The following KMT2C variants were observed in gnomAD, a reference collection of about 807,000 sequenced individuals.
KMT2C encodes lysine methyltransferase 2C, also known as histone-lysine N-methyltransferase 2C.
In KMT2C, 88 loss-of-function variants were observed where a neutral mutation model predicts 507.9. The ratio of observed to expected loss-of-function variants is 0.17; its 90% CI spans 0.15 to 0.21. The LOEUF (loss-of-function observed/expected upper bound fraction) is 0.21, where lower values mean the gene tolerates loss of function less well. Ranked by LOEUF, KMT2C falls within the 10% of genes least tolerant of loss-of-function variation. KMT2C has a pLI of 1.00. For missense variants in KMT2C, 4,954 were observed against 5,957.8 expected (o/e 0.83, Z 5.55); for synonymous variants, 2,049 against 2,080.8 (o/e 0.98, Z 0.42).
At chr7:152,385,311 T>G (rs2097414330) in intron 1 of KMT2C, among the ~76,000 whole-genome samples, 1 of 149,178 alleles carries the variant, frequency 6.7e-6, no homozygotes, top group Non-Finnish European at 1.5e-5. Context: ...TTCAAATACT[T>G]TTAAAAATTG....
intron 1 of KMT2C, among the ~76,000 whole-genome samples, chr7:152,429,893 T>A (rs1432004640): frequency 1.3e-5 from 2 of 151,144 alleles, no homozygotes; most frequent in East Asian, 3.9e-4. Context: ...AGAAATAATC[T>A]CAGCCGGGCG....
intron 1 of KMT2C, among the ~76,000 whole-genome samples, chr7:152,392,592 A>G (rs2097507583): frequency 1.3e-5 from 2 of 152,218 alleles, no homozygotes. Context: ...GCAGTGTTTA[A>G]TGAACTTGCC....
At position 152,237,645 on chromosome 7, in the gene KMT2C, A is replaced by C. The variant is rs1588479384; in HGVS notation, c.2652+1062T>G. Among the ~76,000 whole-genome samples the C allele has an allele frequency of 2.6e-5, 4 of 151,978 alleles. No individual in the cohort carries two copies. The South Asian group carries it at 8.3e-4, about 32-fold the overall frequency. On this transcript the variant is annotated intron_variant, in intron 15 of 58. Transcript: ENST00000262189. ...CCCTAGCAGCTGGGATTACAGGCACATGCCACCACACCCGGCTAAATTTCT... is the reference window on the plus strand; with the variant it reads ...CCCTAGCAGCTGGGATTACAGGCACCTGCCACCACACCCGGCTAAATTTCT...
intron 1 of KMT2C, among the ~76,000 whole-genome samples, chr7:152,366,491 A>C (rs1191774209): frequency 6.6e-6 from 1 of 152,182 alleles, no homozygotes; most frequent in Non-Finnish European, 1.5e-5. Flanking sequence ...TAAACCAGTC[A>C]CAAAGAAAAA....
intron 7 of KMT2C, among the ~76,000 whole-genome samples, chr7:152,270,007 G>C (rs2095931843): frequency 6.6e-6 from 1 of 152,132 alleles, no homozygotes; most frequent in South Asian, 2.1e-4. Context: ...TAAAAGCATT[G>C]GTGAACAGCA....
At chr7:152,172,644 C>A (rs1016602766) in intron 39 of KMT2C, among the ~76,000 whole-genome samples, 17 of 152,176 alleles carry the variant, frequency 1.1e-4, no homozygotes, top group African/African-American at 4.1e-4. Flanking sequence ...TGCAGTGAGC[C>A]ATTGCACTCT....
intron 49 of KMT2C, 122 bp downstream of exon 49, chr7:152,152,583 C>T: frequency 1.6e-6 from 2 of 1,223,562 alleles, no homozygotes; most frequent in East Asian, 4.7e-5. Flanking sequence ...GGTAAGTTCA[C>T]CAAGGACTAT....
At chr7:152,389,037 C>T (rs1366657679) in intron 1 of KMT2C, among the ~76,000 whole-genome samples, 7 of 151,474 alleles carry the variant, frequency 4.6e-5, no homozygotes, top group African/African-American at 1.7e-4. Context: ...CATGAGCCAC[C>T]GCGCCCGACC....
In KMT2C at chr7:152,315,227, A is replaced by G; in HGVS notation, c.501T>C (p.Pro167=). ...PGFILPWRNQ[P]SNKKDIDDNS... ...TGTCATCAATGTCCTTCTTGTTAGA[A>G]GGTTGGTTTCTCCATGGCAAGATAA... The change falls in exon 4 of 59, where the codon CCT becomes CCC. Residue 167 remains proline (P), a synonymous_variant. Transcript: ENST00000262189. 6.2e-7 allele frequency: 1 copy of G among 1,614,008 alleles called. No homozygotes were observed. Among genetic ancestry groups the G allele is most frequent in the Non-Finnish European group, 8.5e-7 (1 of 1,179,946 alleles).
At chr7:152,287,018 A>G (rs1433227364) in intron 6 of KMT2C, among the ~76,000 whole-genome samples, 4 of 152,224 alleles carry the variant, frequency 2.6e-5, no homozygotes. Context: ...AAAGGAGGAC[A>G]TAGTCAGCCA....
intron 2 of KMT2C, among the ~76,000 whole-genome samples, chr7:152,330,952 G>C (rs1700451450): frequency 6.6e-6 from 1 of 152,166 alleles, no homozygotes; most frequent in South Asian, 2.1e-4. Context: ...GTGAAGCATG[G>C]TATACTTTTC....
intron 18 of KMT2C, among the ~76,000 whole-genome samples, chr7:152,228,753 C>G (rs541409911): frequency 1.3e-5 from 2 of 152,216 alleles, no homozygotes; most frequent in South Asian, 4.1e-4. Flanking sequence ...ATGATAGCAG[C>G]AACTTTTATA....
intron 1 of KMT2C, among the ~76,000 whole-genome samples, chr7:152,369,159 C>T (rs1006762005): frequency 1.3e-5 from 2 of 151,940 alleles, no homozygotes; most frequent in African/African-American, 4.8e-5. Flanking sequence ...CCTGTCTCCA[C>T]TAAAAATACA....
At chr7:152,231,030 T>C (rs1452898619) in intron 16 of KMT2C, among the ~76,000 whole-genome samples, 1 of 152,328 alleles carries the variant, frequency 6.6e-6, no homozygotes, top group South Asian at 2.1e-4. Flanking sequence ...TTGGTCAGGC[T>C]GGTCTCTAAC....
chr7:152,196,036 A>T (rs773787807), intron 27 of KMT2C, 25 bp from the exon 28 acceptor site: 1 of 1,414,480 alleles, frequency 7.1e-7, no homozygotes. Context: ...TATGTTTTTT[A>T]AAATTTCAGT....
intron 6 of KMT2C, among the ~76,000 whole-genome samples, chr7:152,304,605 C>CT (rs2096598940): frequency 6.6e-6 from 1 of 152,188 alleles, no homozygotes; most frequent in Non-Finnish European, 1.5e-5. Context: ...GAAATGTCAT[C>CT]TTTATCTTGA....
chr7:152,406,178 G>A (rs1231380522), intron 1 of KMT2C, among the ~76,000 whole-genome samples: 89 of 148,180 alleles, frequency 6.0e-4, no homozygotes, highest in African/African-American at 2.3e-3. Context: ...GGTGCAGCTG[G>A]CGTATGCCTA....
chr7:152,320,302 G>A (rs921694260), intron 3 of KMT2C, among the ~76,000 whole-genome samples: 6 of 152,188 alleles, frequency 3.9e-5, no homozygotes, highest in Non-Finnish European at 7.3e-5. Context: ...AGGCTGGAGT[G>A]CAATGGTACG....
intron 23 of KMT2C, among the ~76,000 whole-genome samples, chr7:152,213,142 A>G (rs2094494244): frequency 6.6e-6 from 1 of 152,256 alleles, no homozygotes; most frequent in Admixed American, 6.5e-5. Flanking sequence ...CATACTATCC[A>G]AAGTGATCTA....
Sources: allele counts gnomAD v4.1 joint callset (sites outside exome capture counted in the v4.1 genomes callset), GRCh38; gene constraint gnomAD v4.1.1; transcripts MANE v1.5; gene names NCBI Gene and HGNC (gene_info 2026-07-23, HGNC 2026-07-21).